JARID2: variants seen among roughly 807,000 people sequenced by gnomAD.
The protein encoded by JARID2 is protein Jumonji.
A neutral mutation model predicts 125.6 loss-of-function variants in JARID2; 21 were observed. The ratio of observed to expected loss-of-function variants is 0.17; its 90% CI spans 0.12 to 0.24. The LOEUF (loss-of-function observed/expected upper bound fraction) is 0.24. Among genes scored for constraint, JARID2 ranks in the 10% least tolerant of loss-of-function variants. The pLI, the probability that JARID2 is intolerant of heterozygous loss-of-function variation, is 1.00. For synonymous variants in JARID2, 736 were observed against 661.6 expected, an observed-to-expected ratio of 1.11 and a Z score of -1.73; for missense variants, 1,303 against 1,639.6, an observed-to-expected ratio of 0.79 and a Z score of 3.55.
chr6:15,387,106 CT>C (rs1207716379), intron 2 of JARID2, among the ~76,000 whole-genome samples: 2 of 152,116 alleles, frequency 1.3e-5, no homozygotes, highest in Non-Finnish European at 2.9e-5. Flanking sequence ...CCAGACTTGG[CT>C]TTTTTCCCCA....
At chr6:15,278,002 C>A (rs1242178447) in intron 1 of JARID2, among the ~76,000 whole-genome samples, 1 of 151,962 alleles carries the variant, frequency 6.6e-6, no homozygotes, top group African/African-American at 2.4e-5. Flanking sequence ...AATCCCAGCA[C>A]TTTGGGAGGC....
chr6:15,496,045 G>A (rs765206514), intron 6 of JARID2, 87 bp from the exon 7 acceptor site: 10 of 1,079,614 alleles, frequency 9.3e-6, no homozygotes, highest in Non-Finnish European at 1.4e-5. Flanking sequence ...CCAGCATCCA[G>A]GGTCCTTTCT....
chr6:15,255,187 T>C (rs1400321130), intron 1 of JARID2, among the ~76,000 whole-genome samples: 1 of 147,464 alleles, frequency 6.8e-6, no homozygotes, highest in Non-Finnish European at 1.5e-5. Context: ...GTTGCCAGGC[T>C]GGAGTACAGT....
At chr6:15,325,997 AATG>A (rs772359683) in intron 1 of JARID2, among the ~76,000 whole-genome samples, 3 of 152,186 alleles carry the variant, frequency 2.0e-5, no homozygotes, top group Admixed American at 6.5e-5. Flanking sequence ...GTTAACATGT[AATG>A]ATTGTATAAT....
At chr6:15,297,394 C>G (rs934482706) in intron 1 of JARID2, among the ~76,000 whole-genome samples, 2 of 152,068 alleles carry the variant, frequency 1.3e-5, no homozygotes, top group East Asian at 3.8e-4. Context: ...ATGATCTACC[C>G]GCCTCGGCCT....
At chr6:15,484,081 C>T (rs746853195) in intron 5 of JARID2, among the ~76,000 whole-genome samples, 3 of 152,112 alleles carry the variant, frequency 2.0e-5, no homozygotes, top group Non-Finnish European at 2.9e-5. Flanking sequence ...GAAATAGTTT[C>T]GACCCTAGCA....
At chr6:15,274,752 G>T (rs1760433335) in intron 1 of JARID2, among the ~76,000 whole-genome samples, 1 of 152,086 alleles carries the variant, frequency 6.6e-6, no homozygotes, top group Non-Finnish European at 1.5e-5. Context: ...CTTTGGTTCA[G>T]CCTGGGAAGG....
At chr6:15,480,611 G>A (rs1769564674) in intron 5 of JARID2, among the ~76,000 whole-genome samples, 1 of 152,164 alleles carries the variant, frequency 6.6e-6, no homozygotes. Flanking sequence ...TTTCACATGT[G>A]GATCTTTGCC....
At chr6:15,320,841 T>TCC (rs1351614796) in intron 1 of JARID2, among the ~76,000 whole-genome samples, 32 of 144,900 alleles carry the variant, frequency 2.2e-4, no homozygotes, top group African/African-American at 7.4e-4. Context: ...TGATTCATTC[T>TCC]CTCTCTCTCT....
At chr6:15,363,025 T>C (rs1486547501) in intron 1 of JARID2, among the ~76,000 whole-genome samples, 1 of 152,028 alleles carries the variant, frequency 6.6e-6, no homozygotes, top group Non-Finnish European at 1.5e-5. Flanking sequence ...TTAGTAGTTA[T>C]CAGTATTTAG....
intron 4 of JARID2, among the ~76,000 whole-genome samples, chr6:15,461,157 G>C (rs1768428234): frequency 6.6e-6 from 1 of 152,226 alleles, no homozygotes; most frequent in African/African-American, 2.4e-5. Flanking sequence ...TTGACTGGGT[G>C]TGTATTTGAA....
At chr6:15,285,747 C>T (rs928468222) in intron 1 of JARID2, among the ~76,000 whole-genome samples, 13 of 152,016 alleles carry the variant, frequency 8.6e-5, no homozygotes, top group Non-Finnish European at 1.9e-4. Flanking sequence ...GTAAGTCATT[C>T]CACATTGCAT....
intron 1 of JARID2, among the ~76,000 whole-genome samples, chr6:15,271,542 G>A (rs1760297761): frequency 6.6e-6 from 1 of 152,190 alleles, no homozygotes; most frequent in South Asian, 2.1e-4. Flanking sequence ...TGATGTGGTG[G>A]CCCATGCCTG....
chr6:15,453,772 A>G (rs1768027485), intron 4 of JARID2, among the ~76,000 whole-genome samples: 1 of 152,096 alleles, frequency 6.6e-6, no homozygotes, highest in African/African-American at 2.4e-5. Context: ...TCCATTTGAC[A>G]TGTCCCTGTC....
chr6:15,469,315 TCTGTCTCTCTCTCTCTCTCTC>T (rs1561884489), intron 5 of JARID2, among the ~76,000 whole-genome samples: 5 of 125,018 alleles, frequency 4.0e-5, no homozygotes, highest in East Asian at 2.4e-4. Context: ...TCTCTCTCTC[TCTGTCTCTCTCTCTCTCTCTC>T]CTGTCTCTCT....
At chr6:15,360,741 G>A (rs929962161) in intron 1 of JARID2, among the ~76,000 whole-genome samples, 9 of 152,112 alleles carry the variant, frequency 5.9e-5, no homozygotes, top group African/African-American at 2.2e-4. Context: ...CTGGGCTCAA[G>A]CAATCCTCCT....
chr6:15,451,603 A>G (rs906289769), intron 3 of JARID2, among the ~76,000 whole-genome samples: 2 of 152,216 alleles, frequency 1.3e-5, no homozygotes, highest in African/African-American at 4.8e-5. Flanking sequence ...GACGTATAGG[A>G]TGTATATAAA....
intron 2 of JARID2, among the ~76,000 whole-genome samples, chr6:15,398,700 AAATACCCGTTTCTCTTT>A (rs1765307794): frequency 6.6e-6 from 1 of 152,232 alleles, no homozygotes; most frequent in African/African-American, 2.4e-5. Context: ...CTTAAAATTT[AAATACCCGTTTCTCTTT>A]AATTGACTAG....
In JARID2 at chr6:15,310,824, G is replaced by A. The variant is rs537988065; in HGVS notation, c.46-63293G>A. 7.8e-4 allele frequency among the ~76,000 whole-genome samples: 118 copies of A among 152,190 alleles called. 1 individual carries two copies. The highest frequency in any genetic ancestry group is 4.1e-4 in the South Asian group (2 of 4,836). On this transcript the variant is annotated intron_variant, in intron 1 of 17. Coordinates refer to ENST00000341776, the MANE Select transcript of JARID2 (RefSeq NM_004973.4). ...GATGTGACTCCTGCCAGGATGACTT[G>A]TAAATAATTTCGTGCCAGAAACCGA...
Sources: gnomAD v4.1 joint callset for allele counts (sites outside exome capture counted in the v4.1 genomes callset) on GRCh38, gnomAD v4.1.1 for gene constraint, MANE v1.5 for transcripts, NCBI Gene and HGNC (gene_info 2026-07-23, HGNC 2026-07-21) for gene names.